SLC39A11: variants seen among roughly 807,000 people sequenced by gnomAD.
SLC39A11 encodes the protein zinc transporter ZIP11.
A neutral mutation model predicts 36.1 loss-of-function variants in SLC39A11; 33 were observed. The observed-to-expected ratio is 0.91, with a 90% CI of 0.69 to 1.22. The LOEUF (loss-of-function observed/expected upper bound fraction) is 1.22, where lower values mean the gene tolerates loss of function less well. SLC39A11 is among the 50% of genes most tolerant of loss of function. SLC39A11 has a pLI of 0.00. For synonymous variants in SLC39A11, 166 were observed against 170.3 expected (o/e 0.97, Z 0.20); for missense variants, 432 against 430.3 (o/e 1.00, Z -0.03).
intron 6 of SLC39A11, among the ~76,000 whole-genome samples, chr17:72,846,459 C>T (rs1361223625): frequency 1.3e-5 from 2 of 152,244 alleles, no homozygotes; most frequent in African/African-American, 4.8e-5. Flanking sequence ...AATTTATGCT[C>T]ATTTAAGATC....
chr17:73,047,990 A>AAAAAAAAAATATAT (rs1555693446), intron 3 of SLC39A11, among the ~76,000 whole-genome samples: 4 of 58,698 alleles, frequency 6.8e-5, no homozygotes, highest in Non-Finnish European at 1.2e-4. Flanking sequence ...AAAAAAAAAA[A>AAAAAAAAAATATAT]ATATATATAT....
intron 3 of SLC39A11, among the ~76,000 whole-genome samples, chr17:73,033,824 C>T (rs568871841): frequency 6.6e-6 from 1 of 152,322 alleles, no homozygotes; most frequent in South Asian, 2.1e-4. Flanking sequence ...GCAGGTATTA[C>T]AACAGCAACA....
chr17:72,676,617 A>T (rs2071273215), intron 7 of SLC39A11, among the ~76,000 whole-genome samples: 1 of 152,224 alleles, frequency 6.6e-6, no homozygotes, highest in African/African-American at 2.4e-5. Flanking sequence ...GTTGGCCCTT[A>T]GGCAGTTCCT....
At chr17:72,720,530 G>T (rs756066972) in intron 7 of SLC39A11, among the ~76,000 whole-genome samples, 2 of 152,170 alleles carry the variant, frequency 1.3e-5, no homozygotes, top group Non-Finnish European at 2.9e-5. Flanking sequence ...CAGGGAGTGG[G>T]GAGTGCTTGT....
intron 5 of SLC39A11, among the ~76,000 whole-genome samples, chr17:72,874,471 G>A (rs1365476530): frequency 2.0e-5 from 3 of 152,174 alleles, no homozygotes; most frequent in African/African-American, 7.2e-5. Flanking sequence ...CTGCAAGGCT[G>A]TCGCAGGGAT....
chr17:72,729,779 C>A (rs1195747280), intron 7 of SLC39A11, among the ~76,000 whole-genome samples: 2 of 151,888 alleles, frequency 1.3e-5, no homozygotes, highest in African/African-American at 4.8e-5. Context: ...GAAATGTAGA[C>A]CATTCTATGA....
intron 7 of SLC39A11, among the ~76,000 whole-genome samples, chr17:72,695,618 A>T (rs1387893185): frequency 7.0e-6 from 1 of 143,880 alleles, no homozygotes; most frequent in African/African-American, 2.5e-5. Flanking sequence ...TATTTACAAA[A>T]AAAAGGGTCT....
chr17:73,067,881 G>C (rs1265169722), intron 3 of SLC39A11: 1 of 1,606,846 alleles, frequency 6.2e-7, no homozygotes, highest in African/African-American at 1.3e-5. Context: ...CCCCATGCCT[G>C]AGACTTGCAG....
At chr17:72,784,702 C>T (rs931623467) in intron 6 of SLC39A11, among the ~76,000 whole-genome samples, 3 of 151,820 alleles carry the variant, frequency 2.0e-5, no homozygotes, top group African/African-American at 4.8e-5. Flanking sequence ...CCCTCTTTCT[C>T]GCTCTTGCTT....
intron 7 of SLC39A11, among the ~76,000 whole-genome samples, chr17:72,698,909 C>T (rs1000347513): frequency 7.9e-5 from 12 of 152,196 alleles, no homozygotes; most frequent in African/African-American, 2.7e-4. Context: ...CGGCTCACTG[C>T]AAGCTCTGCT....
intron 4 of SLC39A11, among the ~76,000 whole-genome samples, chr17:72,959,010 T>C (rs1237020759): frequency 1.3e-5 from 2 of 151,962 alleles, no homozygotes; most frequent in Non-Finnish European, 2.9e-5. Context: ...AAAAAAATTT[T>C]GAAAAGTAGA....
rs181411606 is a variant in SLC39A11 at position 72,799,532 on chromosome 17, G to A, written c.601+50102C>T. On this transcript the variant is annotated intron_variant, in intron 6 of 9. Coordinates refer to ENST00000255559, the MANE Select transcript of SLC39A11 (RefSeq NM_139177.4). ...ATTGCTAAATTCTTTTCCTAGCAAG[G>A]AATATTAATATTAATACCCTGGGAA... 4.8e-3 allele frequency among the ~76,000 whole-genome samples: 725 copies of A among 152,188 alleles called. 3 individuals carry two copies. Among genetic ancestry groups the A allele is most frequent in the African/African-American group, 0.015 (633 of 41,502 alleles).
intron 6 of SLC39A11, chr17:72,823,824 C>T (rs2077899203): frequency 6.6e-6 from 1 of 151,278 alleles, no homozygotes; most frequent in Non-Finnish European, 1.5e-5. Flanking sequence ...TCTGGACTGG[C>T]CACAGAATTT....
At chr17:72,994,002 T>C (rs1166817157) in intron 4 of SLC39A11, among the ~76,000 whole-genome samples, 1 of 152,184 alleles carries the variant, frequency 6.6e-6, no homozygotes, top group Non-Finnish European at 1.5e-5. Context: ...ATAGCACCTA[T>C]TCTTGGTCCT....
intron 3 of SLC39A11, among the ~76,000 whole-genome samples, chr17:73,082,309 T>C (rs1187449086): frequency 6.6e-6 from 1 of 151,888 alleles, no homozygotes; most frequent in Non-Finnish European, 1.5e-5. Flanking sequence ...AGAAACCATT[T>C]TATAATTATT....
intron 7 of SLC39A11, among the ~76,000 whole-genome samples, chr17:72,709,308 G>A (rs2073022028): frequency 6.6e-6 from 1 of 151,930 alleles, no homozygotes; most frequent in African/African-American, 2.4e-5. Context: ...GTGGAGACAG[G>A]GTCTCATTAT....
intron 6 of SLC39A11, among the ~76,000 whole-genome samples, chr17:72,808,732 T>G (rs1181776541): frequency 1.3e-5 from 2 of 152,110 alleles, no homozygotes; most frequent in Non-Finnish European, 2.9e-5. Context: ...ACTTTTGCAT[T>G]CTGGCACCTG....
rs577723294 is a variant in SLC39A11, at chr17:73,019,488, G to A, written c.306+12068C>T. 3.9e-5 allele frequency among the ~76,000 whole-genome samples: 6 copies of A among 152,244 alleles called. No homozygotes were observed. The East Asian group carries it at 7.7e-4, about 20-fold the overall frequency. Reference sequence around the variant, plus strand: ...TATATCATACATGAAGTGTTAATTCGAGGTAGACTATGATAAGACAATTAC... The same window carrying A: ...TATATCATACATGAAGTGTTAATTCAAGGTAGACTATGATAAGACAATTAC... On this transcript the variant is annotated intron_variant, in intron 4 of 9. Transcript: ENST00000255559.
intron 5 of SLC39A11, among the ~76,000 whole-genome samples, chr17:72,856,652 C>G (rs2079654300): frequency 6.6e-6 from 1 of 152,040 alleles, no homozygotes; most frequent in African/African-American, 2.4e-5. Flanking sequence ...CTAATTTTCT[C>G]AGGCAATTGT....
Sources: gnomAD v4.1 joint callset for allele counts (sites outside exome capture counted in the v4.1 genomes callset) on GRCh38, gnomAD v4.1.1 for gene constraint, MANE v1.5 for transcripts, NCBI Gene and HGNC (gene_info 2026-07-23, HGNC 2026-07-21) for gene names.